ZBED1: variants seen among roughly 807,000 people sequenced by gnomAD.
ZBED1 encodes the protein E3 SUMO-protein ligase ZBED1.
In ZBED1, 19 loss-of-function variants were observed where a neutral mutation model predicts 49.7. The ratio of observed to expected loss-of-function variants is 0.38; its 90% CI spans 0.27 to 0.56. ZBED1 has a LOEUF of 0.56. Ranked by LOEUF, ZBED1 falls within the 20% of genes least tolerant of loss-of-function variation. The pLI, the probability that ZBED1 is intolerant of heterozygous loss-of-function variation, is 0.70. For missense variants in ZBED1, 806 were observed against 972.6 expected (o/e 0.83, Z 2.28); for synonymous variants, 439 against 440.3 (o/e 1.00, Z 0.04).
Position 2,494,916 on chromosome X carries a change from T to A in ZBED1, c.-53-4144A>T, listed in dbSNP as rs2045244354. On this transcript the variant is annotated intron_variant, in intron 1 of 1. Coordinates refer to ENST00000652001, the MANE Select transcript of ZBED1 (RefSeq NM_001171136.2). ...TTTATATTCTATTATTATTCTTATT[T>A]GGCTGAAAGAGCTCCCAGGACCTGG... Among the ~76,000 whole-genome samples, 3 of 151,778 alleles carry A rather than the reference T, an allele frequency of 2.0e-5. No homozygotes were observed. In the South Asian group the frequency reaches 6.2e-4, roughly 32 times the overall value.
chrX:2,490,859 C>T, intron 1 of ZBED1, 87 bp from the exon 2 acceptor site: 1 of 1,252,434 alleles, frequency 8.0e-7, no homozygotes, highest in Non-Finnish European at 1.1e-6. Flanking sequence ...GGTGCCGGGG[C>T]AGCTCCGCTT....
rs764923016 is a variant in ZBED1 at position 2,495,648 on chromosome X, C to CCCTCCTTCCTCCTTCCTCCTTCCTCCTT, written c.-53-4877_-53-4876insAAGGAGGAAGGAGGAAGGAGGAAGGAGG. Among the ~76,000 whole-genome samples the CCCTCCTTCCTCCTTCCTCCTTCCTCCTT allele has an allele frequency of 3.9e-3, 597 of 152,086 alleles. 13 individuals carry two copies. In the East Asian group the frequency reaches 0.04, roughly 10 times the overall value. On this transcript the variant is annotated intron_variant, in intron 1 of 1. Transcript: ENST00000652001. ...CAGAGCTGACCTTCTGCAGTGAGTACCCTCCTTCCTCCTTCCTCCTCCCTT... is the reference window on the plus strand; with the variant it reads ...CAGAGCTGACCTTCTGCAGTGAGTACCCTCCTTCCTCCTTCCTCCTTCCTCCTTCCTCCTTCCTCCTTCCTCCTCCCTT...
chrX:2,496,743 G>A (rs1219685049), intron 1 of ZBED1, among the ~76,000 whole-genome samples: 1 of 151,704 alleles, frequency 6.6e-6, no homozygotes, highest in Non-Finnish European at 1.5e-5. Flanking sequence ...ATACAGCAAA[G>A]CATCACACTG....
chrX:2,494,169 C>G (rs1332439014), intron 1 of ZBED1, among the ~76,000 whole-genome samples: 5 of 151,714 alleles, frequency 3.3e-5, no homozygotes, highest in Non-Finnish European at 5.9e-5. Context: ...TGAAAGAAGT[C>G]CCAGTGCCTG....
At chrX:2,491,877 C>G (rs2045156986) in intron 1 of ZBED1, among the ~76,000 whole-genome samples, 1 of 152,196 alleles carries the variant, frequency 6.6e-6, no homozygotes, top group Non-Finnish European at 1.5e-5. Context: ...CCCCAGGGTT[C>G]CTGTTGAGGT....
At chrX:2,491,295 C>G (rs2045137440) in intron 1 of ZBED1, among the ~76,000 whole-genome samples, 1 of 152,184 alleles carries the variant, frequency 6.6e-6, no homozygotes, top group Non-Finnish European at 1.5e-5. Flanking sequence ...GTCTCGAACT[C>G]CTGACTTCAG....
intron 1 of ZBED1, among the ~76,000 whole-genome samples, chrX:2,491,065 A>AGT (rs1302388986): frequency 1.2e-5 from 1 of 84,594 alleles, no homozygotes; most frequent in African/African-American, 4.3e-5. Flanking sequence ...AAGTGCCTTT[A>AGT]GTTTTTTTTT....
chrX:2,499,190 G>A (rs1428097654), intron 1 of ZBED1, among the ~76,000 whole-genome samples: 1 of 152,060 alleles, frequency 6.6e-6, no homozygotes, highest in African/African-American at 2.4e-5. Context: ...CAAGCGCTTC[G>A]CCTGGCTGAC....
At chrX:2,492,762 C>T (rs889021728) in intron 1 of ZBED1, among the ~76,000 whole-genome samples, 3 of 152,188 alleles carry the variant, frequency 2.0e-5, no homozygotes, top group Non-Finnish European at 4.4e-5. Context: ...AAGCACCCTC[C>T]GCGTAAGCCT....
Position 2,490,243 on chromosome X carries a change from C to A in ZBED1, c.477G>T (p.Arg159=). Residue 159 remains arginine, a synonymous_variant, in exon 2 of 2, where the codon CGG becomes CGT. Coordinates refer to ENST00000652001, the MANE Select transcript of ZBED1 (RefSeq NM_001171136.2). ...TGTACTTCCGGCTGGGCAGCTCATA[C>A]CGGGGGTCGGCCGTCTTCAGCAGCA... The part of the protein sequence containing the change: ...FKVLLKTADP[R]YELPSRKYIS... 3 of 1,613,890 alleles carry A rather than the reference C, an allele frequency of 1.9e-6. No homozygotes were observed. The highest frequency in any genetic ancestry group is 2.5e-6 in the Non-Finnish European group (3 of 1,179,860).
At chrX:2,493,226 T>A (rs750509928) in intron 1 of ZBED1, among the ~76,000 whole-genome samples, 2 of 152,260 alleles carry the variant, frequency 1.3e-5, no homozygotes, top group Admixed American at 1.3e-4. Flanking sequence ...GTGGGGCCCC[T>A]GGATTACACA....
chrX:2,500,239 C>T lies in ZBED1; in HGVS notation c.-54+578G>A, dbSNP rs751943811. 2.0e-4 allele frequency: 31 copies of T among 154,748 alleles called. No individual in the cohort carries two copies. The South Asian group carries it at 5.0e-3, about 25-fold the overall frequency. The allele number at this position is 154,748 out of a possible 1,614,324, so 9.6% of individuals were successfully genotyped here. A position where few individuals can be genotyped will look rare whatever the true frequency, so the allele number is the denominator to read the frequency against. ...CCTCCCCACCAGACCTCCGTGGCTC[C>T]CCAGTGCCCGAGAAGCCGCCTCTGG... is the stretch of plus-strand genomic sequence containing the variant. On this transcript the variant is annotated intron_variant, in intron 1 of 1. Coordinates refer to ENST00000652001, the MANE Select transcript of ZBED1 (RefSeq NM_001171136.2).
At chrX:2,492,639 GAGACAC>G (rs1204598228) in intron 1 of ZBED1, among the ~76,000 whole-genome samples, 4 of 151,490 alleles carry the variant, frequency 2.6e-5, no homozygotes, top group African/African-American at 9.7e-5. Context: ...GACAGAAGAG[GAGACAC>G]AGACACAGAG....
In ZBED1 at chrX:2,497,371, A is replaced by C. The variant is rs563509160; in HGVS notation, c.-54+3446T>G. Reference sequence around the variant, plus strand: ...TCACGCCATTGCACTCCAGCCTGGGAAACAAAAGCGAAACTTGGTCTCAAG... The same window carrying C: ...TCACGCCATTGCACTCCAGCCTGGGCAACAAAAGCGAAACTTGGTCTCAAG... On this transcript the variant is annotated intron_variant, in intron 1 of 1. Coordinates refer to ENST00000652001, the MANE Select transcript of ZBED1 (RefSeq NM_001171136.2). Among the ~76,000 whole-genome samples, 4 of 152,314 alleles carry C rather than the reference A, an allele frequency of 2.6e-5. 1 individual carries two copies. Among genetic ancestry groups the C allele is most frequent in the African/African-American group, 7.2e-5 (3 of 41,570 alleles).
chrX:2,495,292 A>G (rs2045253764), intron 1 of ZBED1, among the ~76,000 whole-genome samples: 1 of 151,588 alleles, frequency 6.6e-6, no homozygotes, highest in South Asian at 2.1e-4. Flanking sequence ...CATTATTCCT[A>G]TTGTTGTTAT....
chrX:2,500,900 G>A lies in ZBED1; in HGVS notation c.-137C>T, dbSNP rs2045411793. 8.9e-7 allele frequency: 1 copy of A among 1,126,206 alleles called. No individual in the cohort carries two copies. The highest frequency in any genetic ancestry group is 3.3e-5 in the South Asian group (1 of 30,220). 69.8% of individuals were successfully genotyped at this position (1,126,206 alleles called of 1,614,324 possible). On this transcript the variant is annotated 5_prime_UTR_variant, in exon 1 of 2. Transcript: ENST00000652001. ...GCCTACCGCGTAGACCCGCAGGGCC[G>A]CCCGCGCCGCAGACAATGGCGACAT...
In ZBED1 at chrX:2,488,669, CCG is replaced by C; in HGVS notation, c.2049_2050del (p.Gly684PhefsTer5). On this transcript the variant is annotated frameshift_variant, in exon 2 of 2. Coordinates refer to ENST00000652001, the MANE Select transcript of ZBED1 (RefSeq NM_001171136.2). LOFTEE classifies it high-confidence loss of function. ...GCTGCTGTCCCTAATGCCAAAGAAA[CCG>C]CCGCTGACGCCATCCCCCAAGGAGA... 1 of 1,610,916 alleles carries C rather than the reference CCG, an allele frequency of 6.2e-7. No homozygotes were observed. The highest frequency in any genetic ancestry group is 8.5e-7 in the Non-Finnish European group (1 of 1,178,818).
rs764026825 is a variant in ZBED1, at chrX:2,489,519, G to A, written c.1201C>T (p.Leu401=). ...WATIEGLVEL[L]QPFKQVAEML... ...TCGGCCACCTGCTTGAAGGGCTGCA[G>A]GAGCTCCACCAGCCCCTCGATGGTG... Residue 401 remains leucine (L), a synonymous_variant, in exon 2 of 2, where the codon CTG becomes TTG. Coordinates refer to ENST00000652001, the MANE Select transcript of ZBED1 (RefSeq NM_001171136.2). 5.0e-6 allele frequency: 8 copies of A among 1,612,952 alleles called. 1 individual carries two copies. Among genetic ancestry groups the A allele is most frequent in the Non-Finnish European group, 1.7e-6 (2 of 1,179,844 alleles).
chrX:2,493,454 TTTATTA>T (rs941474243), intron 1 of ZBED1, among the ~76,000 whole-genome samples: 4 of 151,524 alleles, frequency 2.6e-5, no homozygotes, highest in South Asian at 2.1e-4. Flanking sequence ...TTAAATTCTA[TTTATTA>T]TTATTATTAT....
Sources: gnomAD v4.1 joint callset for allele counts (sites outside exome capture counted in the v4.1 genomes callset) on GRCh38, gnomAD v4.1.1 for gene constraint, MANE v1.5 for transcripts, NCBI Gene and HGNC (gene_info 2026-07-23, HGNC 2026-07-21) for gene names.